The following CACNA1D variants were observed in gnomAD, a reference collection of about 807,000 sequenced individuals.
CACNA1D encodes calcium voltage-gated channel subunit alpha1 D.
In CACNA1D, 55 loss-of-function variants were observed where a neutral mutation model predicts 257.1. That is an observed-to-expected ratio of 0.21 (90% CI 0.17 to 0.27). The LOEUF is 0.27. Ranked by LOEUF, CACNA1D falls within the 10% of genes least tolerant of loss-of-function variation. The probability of loss-of-function intolerance (pLI) is 1.00; values close to 1 mark genes in which losing one functional copy is unlikely to be tolerated. For synonymous variants in CACNA1D, 980 were observed against 1,014.9 expected, an observed-to-expected ratio of 0.97 and a Z score of 0.65; for missense variants, 1,876 against 2,784.0, an observed-to-expected ratio of 0.67 and a Z score of 7.34.
chr3:53,606,637 A>G (rs1309589798), intron 3 of CACNA1D, among the ~76,000 whole-genome samples: 1 of 152,254 alleles, frequency 6.6e-6, no homozygotes. Flanking sequence ...GATTCCCACC[A>G]GTGCTTGAGA....
At position 53,800,194 on chromosome 3, in the gene CACNA1D, C is replaced by A; in HGVS notation, c.4924-55C>A. 1 of 1,259,862 alleles carries A rather than the reference C, an allele frequency of 7.9e-7. No homozygotes were observed. Among genetic ancestry groups the A allele is most frequent in the Non-Finnish European group, 1.2e-6 (1 of 856,608 alleles). The allele number at this position is 1,259,862 out of a possible 1,614,324, so 78.0% of individuals were successfully genotyped here. Reference sequence around the variant, plus strand: ...GGAAGGAGCAAAGCCAGGACCCAGGCTGGCCCCAGGGCCCATGTGTGGTCT... The same window carrying A: ...GGAAGGAGCAAAGCCAGGACCCAGGATGGCCCCAGGGCCCATGTGTGGTCT... On this transcript the variant is annotated intron_variant, in intron 40 of 47. Transcript: ENST00000350061. This position sits in a 1 kb window ranked among gnomAD's most constrained non-coding sequence, Gnocchi z 4.3.
At chr3:53,700,886 A>G (rs972062560) in intron 8 of CACNA1D, among the ~76,000 whole-genome samples, 12 of 106,336 alleles carry the variant, frequency 1.1e-4, no homozygotes, top group Middle Eastern at 4.3e-3. Flanking sequence ...TTTTATTTTT[A>G]TTTTTATTTT....
chr3:53,497,341 A>G lies in CACNA1D; in HGVS notation c.257A>G (p.Gln86Arg). ...GGATCTCTCTCCCAAAGAAAACGTC[A>G]GCAATACGCCAAGAGCAAAAAACAG... Reference protein sequence around the residue: ...PVGSLSQRKRQQYAKSKKQGN... With the variant: ...PVGSLSQRKRRQYAKSKKQGN... Residue 86 changes from glutamine (Q) to arginine (R), a missense_variant, in exon 2 of 48, where the codon CAG (glutamine) becomes CGG (arginine). Physicochemically the swap from Gln to Arg is conservative, Grantham distance 43 (BLOSUM62 1). Coordinates refer to ENST00000350061, the MANE Select transcript of CACNA1D (RefSeq NM_001128840.3). The G allele has an allele frequency of 6.2e-7, 1 of 1,614,202 alleles. No individual in the cohort carries two copies. The highest frequency in any genetic ancestry group is 8.5e-7 in the Non-Finnish European group (1 of 1,180,040).
intron 8 of CACNA1D, chr3:53,679,914 T>G (rs934035922): frequency 6.6e-6 from 1 of 152,226 alleles, no homozygotes; most frequent in Non-Finnish European, 1.5e-5. Flanking sequence ...AACAAGAAAC[T>G]AAGCTCTGAT....
chr3:53,645,767 C>A (rs887601005), intron 3 of CACNA1D, among the ~76,000 whole-genome samples: 2 of 152,038 alleles, frequency 1.3e-5, no homozygotes, highest in Admixed American at 1.3e-4. Flanking sequence ...TCTGGGAGGT[C>A]AGTAAAGGTT....
At position 53,726,870 on chromosome 3, in the gene CACNA1D, G is replaced by T; in HGVS notation, c.2101-9G>T. ...CCACCTGCTGGCTGATACCAGTTTGGCTTCTCAGATCCTGACAGGCGAAGA... is the reference window on the plus strand; with the variant it reads ...CCACCTGCTGGCTGATACCAGTTTGTCTTCTCAGATCCTGACAGGCGAAGA... On this transcript the variant is annotated splice_polypyrimidine_tract_variant and intron_variant, in intron 14 of 47. Coordinates refer to ENST00000350061, the MANE Select transcript of CACNA1D (RefSeq NM_001128840.3). 1 of 1,614,052 alleles carries T rather than the reference G, an allele frequency of 6.2e-7. No homozygotes were observed. Among genetic ancestry groups the T allele is most frequent in the Non-Finnish European group, 8.5e-7 (1 of 1,180,024 alleles).
intron 9 of CACNA1D, among the ~76,000 whole-genome samples, chr3:53,705,420 C>G (rs3774536): frequency 0.011 from 1,610 of 152,214 alleles, 111 homozygotes; most frequent in Admixed American, 0.097. Flanking sequence ...AGAATTCACT[C>G]TCACTGGGGC....
intron 9 of CACNA1D, among the ~76,000 whole-genome samples, chr3:53,717,546 C>CCTA (rs1334527677): frequency 2.0e-5 from 3 of 152,192 alleles, no homozygotes; most frequent in Non-Finnish European, 4.4e-5. Flanking sequence ...CGCTCAGGAT[C>CCTA]CTACCATGGA....
intron 30 of CACNA1D, among the ~76,000 whole-genome samples, chr3:53,768,617 C>G (rs2095348532): frequency 1.3e-5 from 2 of 152,178 alleles, no homozygotes; most frequent in Non-Finnish European, 1.5e-5. Context: ...TGGCAGAGTT[C>G]CCATTCTGAG....
At chr3:53,667,664 G>C (rs2108375746) in intron 7 of CACNA1D, among the ~76,000 whole-genome samples, 1 of 152,318 alleles carries the variant, frequency 6.6e-6, no homozygotes, top group South Asian at 2.1e-4. Flanking sequence ...TCACAGGATT[G>C]TAGATGTCCC....
intron 8 of CACNA1D, among the ~76,000 whole-genome samples, chr3:53,693,822 TTTTTG>T (rs1023589590): frequency 4.6e-5 from 7 of 152,202 alleles, no homozygotes; most frequent in Admixed American, 6.5e-5. Context: ...TTTCGAGGGT[TTTTTG>T]TTTTGTTTTG....
At chr3:53,596,348 T>C (rs138396457) in intron 3 of CACNA1D, among the ~76,000 whole-genome samples, 22 of 152,236 alleles carry the variant, frequency 1.4e-4, no homozygotes, top group African/African-American at 4.3e-4. Flanking sequence ...AACTCCAGTG[T>C]TGGGGGAGAG....
At chr3:53,796,276 G>T in intron 40 of CACNA1D, 1 of 454,330 alleles carries the variant, frequency 2.2e-6, no homozygotes, top group South Asian at 1.6e-5. Flanking sequence ...CTGTGATGGG[G>T]AACAGGCTCT....
At chr3:53,607,174 G>A (rs1335014002) in intron 3 of CACNA1D, among the ~76,000 whole-genome samples, 1 of 152,146 alleles carries the variant, frequency 6.6e-6, no homozygotes, top group Admixed American at 6.6e-5. Context: ...TATTACCCTT[G>A]GGAAAAATAG....
chr3:53,568,143 C>G (rs1483656900), intron 3 of CACNA1D, among the ~76,000 whole-genome samples: 3 of 152,142 alleles, frequency 2.0e-5, no homozygotes, highest in Non-Finnish European at 4.4e-5. Flanking sequence ...GGGAGGGTAG[C>G]ATTGCATACT....
chr3:53,698,295 C>G (rs758893407), intron 8 of CACNA1D, among the ~76,000 whole-genome samples: 1 of 152,212 alleles, frequency 6.6e-6, no homozygotes, highest in Non-Finnish European at 1.5e-5. Context: ...AGCATTAGCA[C>G]ATGTACTCAC....
chr3:53,711,165 T>C (rs1038880470), intron 9 of CACNA1D, among the ~76,000 whole-genome samples: 62 of 152,130 alleles, frequency 4.1e-4, no homozygotes, highest in African/African-American at 1.3e-3. Context: ...GAGGATTGCA[T>C]AAGCCCAGGA....
At position 53,682,556 on chromosome 3, in the gene CACNA1D, T is replaced by TA. The variant is rs56756710; in HGVS notation, c.1220+9442dup. 1.3e-3 allele frequency among the ~76,000 whole-genome samples: 187 copies of TA among 144,040 alleles called. 1 individual carries two copies. The East Asian group carries it at 0.015, about 12-fold the overall frequency. 94.5% of individuals were successfully genotyped at this position (144,040 alleles called of 152,430 possible). A position where few individuals can be genotyped will look rare whatever the true frequency, so the allele number is the denominator to read the frequency against. On this transcript the variant is annotated intron_variant, in intron 8 of 47. Transcript: ENST00000350061. ...TGGGGAGCAGAGTGAGACCCTGTCT[T>TA]AAAAAAAAAAAAGAAGAAGAAGAAA...
intron 7 of CACNA1D, among the ~76,000 whole-genome samples, chr3:53,671,354 C>T (rs780488769): frequency 5.3e-5 from 8 of 152,192 alleles, no homozygotes; most frequent in Non-Finnish European, 1.0e-4. Flanking sequence ...CACCTTCTCC[C>T]CTGCTGCATG....
Sources: allele counts gnomAD v4.1 joint callset (sites outside exome capture counted in the v4.1 genomes callset), GRCh38; gene constraint gnomAD v4.1.1; non-coding constraint Gnocchi (gnomAD v3.1); transcripts MANE v1.5; gene names NCBI Gene and HGNC (gene_info 2026-07-23, HGNC 2026-07-21).